The following TNFRSF10A variants were observed in gnomAD, a reference collection of about 807,000 sequenced individuals.
TNFRSF10A encodes the protein tumor necrosis factor receptor superfamily member 10A.
A neutral mutation model predicts 42.8 loss-of-function variants in TNFRSF10A; 44 were observed. The ratio of observed to expected loss-of-function variants is 1.03; its 90% confidence interval spans 0.81 to 1.32. The LOEUF (loss-of-function observed/expected upper bound fraction) is 1.32, where lower values mean the gene tolerates loss of function less well. Among genes scored for constraint, TNFRSF10A ranks in the 40% most tolerant of loss-of-function variants. The probability of loss-of-function intolerance (pLI) is 0.00; values close to 1 mark genes in which losing one functional copy is unlikely to be tolerated. For missense variants in TNFRSF10A, 680 were observed against 602.0 expected (o/e 1.13, Z -1.36); for synonymous variants, 259 against 234.2 (o/e 1.11, Z -0.97).
intron 1 of TNFRSF10A, among the ~76,000 whole-genome samples, chr8:23,220,648 G>A (rs1199403271): frequency 6.6e-6 from 1 of 152,196 alleles, no homozygotes; most frequent in Non-Finnish European, 1.5e-5. Context: ...CATGACTCTG[G>A]ATCCCCAGGG....
intron 2 of TNFRSF10A, among the ~76,000 whole-genome samples, chr8:23,210,487 C>T (rs1409335886): frequency 6.6e-6 from 1 of 152,104 alleles, no homozygotes; most frequent in Non-Finnish European, 1.5e-5. Context: ...CTAGACCATC[C>T]TGGTTAACAC....
Position 23,222,299 on chromosome 8 carries a change from A to T in TNFRSF10A, c.306+2457T>A, listed in dbSNP as rs1452163194. The stretch of plus-strand genomic sequence containing the variant: ...ATGTACCTAAAAATTCCTCTTCTAA[A>T]GGGCTGCCCGATACTTCAGGGAACA... On this transcript the variant is annotated intron_variant, in intron 1 of 9. Coordinates refer to ENST00000221132, the MANE Select transcript of TNFRSF10A (RefSeq NM_003844.4). Among the ~76,000 whole-genome samples the T allele has an allele frequency of 2.0e-5, 3 of 152,188 alleles. No homozygotes were observed. In the East Asian group the frequency reaches 5.8e-4, roughly 29 times the overall value.
At position 23,225,016 on chromosome 8, in the gene TNFRSF10A, C is replaced by G. The variant is rs1256967311; in HGVS notation, c.46G>C (p.Val16Leu). 6.3e-7 allele frequency: 1 copy of G among 1,582,586 alleles called. No individual in the cohort carries two copies. The highest frequency in any genetic ancestry group is 1.3e-5 in the African/African-American group (1 of 74,200). The change falls in exon 1 of 10, where the codon GTG becomes CTG. Residue 16 changes from valine (V) to leucine (L), a missense_variant. By Grantham distance (32) the Val-to-Leu change is conservative. Coordinates refer to ENST00000221132, the MANE Select transcript of TNFRSF10A (RefSeq NM_003844.4). ...GCTGCGCTCCCGGGATTCGGAGTCA[C>G]TGCCAGGAACGCACCTAGATGTACT... ...ARVHLGAFLAVTPNPGSAASG... is the reference protein window; with the variant it reads ...ARVHLGAFLALTPNPGSAASG...
At chr8:23,193,790 T>C (rs1800785927) in intron 9 of TNFRSF10A, among the ~76,000 whole-genome samples, 1 of 152,250 alleles carries the variant, frequency 6.6e-6, no homozygotes, top group Non-Finnish European at 1.5e-5. Context: ...ATTATTTCTA[T>C]GTGTTTGCTA....
chr8:23,193,067 G>T (rs1028449263), intron 9 of TNFRSF10A, among the ~76,000 whole-genome samples: 1 of 152,150 alleles, frequency 6.6e-6, no homozygotes, highest in African/African-American at 2.4e-5. Context: ...GTTGGTCAGG[G>T]AGATACAGTT....
At chr8:23,199,528 G>T in intron 7 of TNFRSF10A, 80 bp from the exon 8 acceptor site, 1 of 1,518,460 alleles carries the variant, frequency 6.6e-7, no homozygotes, top group Non-Finnish European at 9.0e-7. Flanking sequence ...TGGACCTGCT[G>T]CCACCACCCC....
intron 1 of TNFRSF10A, among the ~76,000 whole-genome samples, chr8:23,223,318 G>A: frequency 6.6e-6 from 1 of 152,210 alleles, no homozygotes; most frequent in Non-Finnish European, 1.5e-5. Flanking sequence ...GCCCGCCTCG[G>A]CCTCCCAGAG....
rs113433315 is a variant in TNFRSF10A, at chr8:23,199,487, A to C, written c.832-39T>G. 3.1e-5 allele frequency: 50 copies of C among 1,597,182 alleles called. 1 individual carries two copies. In the African/African-American group the frequency reaches 4.2e-4, roughly 13 times the overall value. ...AGAGCCAACTCAGAAGCCCACACCC[A>C]GGGCTCCCCACGGGGTCCGTAGGGC... On this transcript the variant is annotated intron_variant, in intron 7 of 9. Coordinates refer to ENST00000221132, the MANE Select transcript of TNFRSF10A (RefSeq NM_003844.4).
Position 23,199,343 on chromosome 8 carries a change from G to C in TNFRSF10A, c.937C>G (p.Gln313Glu), listed in dbSNP as rs772476321. 3 of 1,614,194 alleles carry C rather than the reference G, an allele frequency of 1.9e-6. No homozygotes were observed. The Admixed American group carries it at 5.0e-5, about 27-fold the overall frequency. ...GCCGGCTCCTGGCTTTCCATTTGCT[G>C]CTCAGAGACGAAAGTGGACAGCGAG... ...ADSLSTFVSE[Q>E]QMESQEPADL... The change falls in exon 8 of 10, where the codon CAG (glutamine) becomes GAG (glutamate). Residue 313 changes from glutamine (Q) to glutamate (E), a missense_variant. Physicochemically the swap from Gln to Glu is conservative, Grantham distance 29 (BLOSUM62 2). Coordinates refer to ENST00000221132, the MANE Select transcript of TNFRSF10A (RefSeq NM_003844.4).
chr8:23,198,758 CATGT>C (rs1290725648), intron 8 of TNFRSF10A, among the ~76,000 whole-genome samples: 1 of 152,004 alleles, frequency 6.6e-6, no homozygotes, highest in African/African-American at 2.4e-5. Context: ...TGTGTACATG[CATGT>C]GTGTGCATGT....
At chr8:23,197,356 G>T in intron 8 of TNFRSF10A, 152 bp from the exon 9 acceptor site, 1 of 806,908 alleles carries the variant, frequency 1.2e-6, no homozygotes, top group Non-Finnish European at 2.0e-6. Flanking sequence ...GTCCCACATA[G>T]CTCACAGCCA....
Position 23,191,818 on chromosome 8 carries a change from A to T in TNFRSF10A, c.1283T>A (p.Leu428Gln). The stretch of plus-strand genomic sequence containing the variant: ...TTCCATCCTCTCCAAGGCATCCAGC[A>T]GGGTGTGGATCGAGGCGTTCCGTCC... ...KTGRNASIHT[L>Q]LDALERMEER... is the part of the protein sequence containing the mutation. Residue 428 changes from leucine (L) to glutamine (Q), a missense_variant, in exon 10 of 10, where the codon CTG (leucine) becomes CAG (glutamine). Transcript: ENST00000221132. The T allele has an allele frequency of 2.5e-6, 4 of 1,614,064 alleles. No individual in the cohort carries two copies. The highest frequency in any genetic ancestry group is 3.4e-6 in the Non-Finnish European group (4 of 1,180,002).
chr8:23,192,367 G>A (rs1800768556), intron 9 of TNFRSF10A, among the ~76,000 whole-genome samples: 1 of 152,260 alleles, frequency 6.6e-6, no homozygotes, highest in African/African-American at 2.4e-5. Context: ...CTCAGAGGAT[G>A]CGGGCTGCCT....
intron 3 of TNFRSF10A, 67 bp from the exon 4 acceptor site, chr8:23,201,986 C>A (rs1035079581): frequency 7.2e-6 from 10 of 1,389,862 alleles, no homozygotes; most frequent in Non-Finnish European, 1.0e-5. Context: ...TTCCTCACCA[C>A]CCCAACTCCC....
At chr8:23,215,602 T>G (rs1374452125) in intron 1 of TNFRSF10A, among the ~76,000 whole-genome samples, 1 of 152,200 alleles carries the variant, frequency 6.6e-6, no homozygotes, top group Admixed American at 6.5e-5. Flanking sequence ...ATATTTAAAT[T>G]ATCTTTATTT....
rs577391353 is a variant in TNFRSF10A, at chr8:23,192,840, A to G, written c.1088-827T>C. Reference sequence around the variant, plus strand: ...CCCTTCTGGTCCTTAACGACTGGAAACTTAACATTTGTTTTATCTGAGTTA... The same window carrying G: ...CCCTTCTGGTCCTTAACGACTGGAAGCTTAACATTTGTTTTATCTGAGTTA... On this transcript the variant is annotated intron_variant, in intron 9 of 9. Coordinates refer to ENST00000221132, the MANE Select transcript of TNFRSF10A (RefSeq NM_003844.4). Among the ~76,000 whole-genome samples the G allele has an allele frequency of 1.4e-3, 212 of 152,316 alleles. 1 individual carries two copies. Among genetic ancestry groups the G allele is most frequent in the African/African-American group, 4.9e-3 (202 of 41,562 alleles).
rs146469828 is a variant in TNFRSF10A, at chr8:23,201,809, C to G, written c.628G>C (p.Gly210Arg). 6.2e-7 allele frequency: 1 copy of G among 1,613,960 alleles called. No homozygotes were observed. The highest frequency in any genetic ancestry group is 8.5e-7 in the Non-Finnish European group (1 of 1,179,904). Reference sequence around the variant, plus strand: ...GGAGCCCCTTGGCTGTTGTCTCACCCTCTGCTGCACTTCCGGCACATCTCA... The same window carrying G: ...GGAGCCCCTTGGCTGTTGTCTCACCGTCTGCTGCACTTCCGGCACATCTCA... ...SAEMCRKCSR[G>R]CPRGMVKVKD... Residue 210 changes from glycine (G) to arginine (R), a missense_variant and splice_region_variant, in exon 4 of 10, where the codon GGG becomes CGG. Gly to Arg is a moderately radical substitution (Grantham distance 125). Coordinates refer to ENST00000221132, the MANE Select transcript of TNFRSF10A (RefSeq NM_003844.4).
In TNFRSF10A at chr8:23,199,449, C is replaced by T. The variant is rs1000442144; in HGVS notation, c.832-1G>A. The T allele has an allele frequency of 6.2e-7, 1 of 1,606,958 alleles. No individual in the cohort carries two copies. The highest frequency in any genetic ancestry group is 1.3e-5 in the African/African-American group (1 of 74,778). On this transcript the variant is annotated splice_acceptor_variant, in intron 7 of 9. Transcript: ENST00000221132. LOFTEE classifies it high-confidence loss of function. ...GGAGACCCAAGCGCCAGAAACACAC[C>T]TTAGGAAGGCAAAGAGCCAACTCAG...
chr8:23,223,541 C>T (rs1273244164), intron 1 of TNFRSF10A, among the ~76,000 whole-genome samples: 3 of 152,214 alleles, frequency 2.0e-5, no homozygotes, highest in Non-Finnish European at 4.4e-5. Context: ...GTGGGTTCCA[C>T]CTAACATAAA....
Sources: gnomAD v4.1 joint callset for allele counts (sites outside exome capture counted in the v4.1 genomes callset) on GRCh38, gnomAD v4.1.1 for gene constraint, MANE v1.5 for transcripts, NCBI Gene and HGNC (gene_info 2026-07-23, HGNC 2026-07-21) for gene names.